The following PPP1CB variants were observed in gnomAD, a reference collection of about 807,000 sequenced individuals.
The protein encoded by PPP1CB is serine/threonine-protein phosphatase PP1-beta catalytic subunit.
Under a neutral mutation model 43.7 loss-of-function variants are expected in PPP1CB, and 2 were observed. The observed-to-expected ratio is 0.05, with a 90% CI of 0.02 to 0.14. The LOEUF is 0.14. Among genes scored for constraint, PPP1CB ranks in the 10% least tolerant of loss-of-function variants. The pLI is 1.00. For synonymous variants in PPP1CB, 136 were observed against 135.6 expected, an observed-to-expected ratio of 1.00 and a Z score of -0.02; for missense variants, 84 against 398.0, an observed-to-expected ratio of 0.21 and a Z score of 6.71.
intron 5 of PPP1CB, 78 bp from the exon 6 acceptor site, chr2:28,788,580 T>G: frequency 6.8e-7 from 1 of 1,466,218 alleles, no homozygotes; most frequent in Non-Finnish European, 9.4e-7. Flanking sequence ...AGAAAGGAAC[T>G]GAAATTTGAT....
rs1169523322 is a variant in PPP1CB, at chr2:28,801,655, G to T, written c.*2352G>T. ...AAAACTTTGTTTCTTAGGAGAAAAT[G>T]ATTCTGTAATTCCAGTGTCACTAAT... On this transcript the variant is annotated 3_prime_UTR_variant, in exon 8 of 8. Coordinates refer to ENST00000395366, the MANE Select transcript of PPP1CB (RefSeq NM_002709.3). 1 of 152,046 alleles carries T rather than the reference G, an allele frequency of 6.6e-6. No individual in the cohort carries two copies. The highest frequency in any genetic ancestry group is 1.5e-5 in the Non-Finnish European group (1 of 67,970). 9.4% of individuals were successfully genotyped at this position (152,046 alleles called of 1,614,324 possible). A position where few individuals can be genotyped will look rare whatever the true frequency, so the allele number is the denominator to read the frequency against.
At chr2:28,754,011 C>T (rs1013042822) in intron 1 of PPP1CB, among the ~76,000 whole-genome samples, 5 of 152,166 alleles carry the variant, frequency 3.3e-5, no homozygotes, top group Admixed American at 3.3e-4. Context: ...GCTGGGATTA[C>T]AGGCGTGAGC....
At chr2:28,764,948 A>G (rs1431098639) in intron 1 of PPP1CB, among the ~76,000 whole-genome samples, 3 of 152,096 alleles carry the variant, frequency 2.0e-5, no homozygotes, top group African/African-American at 4.8e-5. Context: ...GACACCGTGC[A>G]TAGGTGTTGG....
At chr2:28,763,397 A>G (rs1666702990) in intron 1 of PPP1CB, among the ~76,000 whole-genome samples, 1 of 152,114 alleles carries the variant, frequency 6.6e-6, no homozygotes, top group Non-Finnish European at 1.5e-5. Context: ...TGAGACACTT[A>G]ACAGTTTTAC....
At position 28,779,124 on chromosome 2, in the gene PPP1CB, G is replaced by T. The variant is rs551111216; in HGVS notation, c.415+85G>T. The T allele has an allele frequency of 8.1e-5, 86 of 1,058,840 alleles. No individual in the cohort carries two copies. In the African/African-American group the frequency reaches 1.3e-3, roughly 16 times the overall value. 65.6% of individuals were successfully genotyped at this position (1,058,840 alleles called of 1,614,324 possible). A position where few individuals can be genotyped will look rare whatever the true frequency, so the allele number is the denominator to read the frequency against. On this transcript the variant is annotated intron_variant, in intron 3 of 7. Coordinates refer to ENST00000395366, the MANE Select transcript of PPP1CB (RefSeq NM_002709.3). ...GGTTCAGAAGAGTTGCTTTGATTCA[G>T]AGTTTTTTCAAAATAAGATCTGTCA...
rs1249263998 is a variant in PPP1CB at position 28,770,421 on chromosome 2, A to C, written c.53-6430A>C. On this transcript the variant is annotated intron_variant, in intron 1 of 7. Transcript: ENST00000395366. ...GGGTGTGGGGGAGACGATATCATGC[A>C]CACATTAATCAAATGAAAGCTGACT... Among the ~76,000 whole-genome samples, 3 of 151,538 alleles carry C rather than the reference A, an allele frequency of 2.0e-5. No individual in the cohort carries two copies. In the South Asian group the frequency reaches 6.3e-4, roughly 32 times the overall value.
intron 6 of PPP1CB, among the ~76,000 whole-genome samples, chr2:28,791,537 C>A (rs1446470422): frequency 6.6e-6 from 1 of 152,062 alleles, no homozygotes; most frequent in African/African-American, 2.4e-5. Flanking sequence ...ACTATGTTGG[C>A]CTGGCTGGTC....
intron 1 of PPP1CB, among the ~76,000 whole-genome samples, chr2:28,767,140 G>T (rs1666797113): frequency 6.6e-6 from 1 of 151,914 alleles, no homozygotes; most frequent in South Asian, 2.1e-4. Context: ...TTTCCAATCA[G>T]ATACAATTTA....
intron 1 of PPP1CB, 25 bp from the exon 2 acceptor site, chr2:28,776,822 AACTG>A (rs1558304636): frequency 3.2e-6 from 5 of 1,575,232 alleles, no homozygotes; most frequent in South Asian, 2.3e-5. Flanking sequence ...AATTTTAGAA[AACTG>A]ACTGTTTTAT....
chr2:28,794,240 GT>G (rs1388994404), intron 7 of PPP1CB, among the ~76,000 whole-genome samples: 1 of 152,150 alleles, frequency 6.6e-6, no homozygotes, highest in Non-Finnish European at 1.5e-5. Context: ...TGATTCAGAT[GT>G]TTTAATTGTT....
intron 1 of PPP1CB, among the ~76,000 whole-genome samples, chr2:28,753,502 T>A (rs146779955): frequency 6.6e-6 from 1 of 152,240 alleles, no homozygotes; most frequent in African/African-American, 2.4e-5. Flanking sequence ...GGAACTCTTA[T>A]TTACCTTTTC....
chr2:28,775,518 T>C (rs941170172), intron 1 of PPP1CB, among the ~76,000 whole-genome samples: 1 of 152,166 alleles, frequency 6.6e-6, no homozygotes, highest in African/African-American at 2.4e-5. Context: ...AGCAATTCTC[T>C]ACTATGCTAG....
intron 5 of PPP1CB, among the ~76,000 whole-genome samples, chr2:28,787,964 G>A (rs572236570): frequency 6.6e-6 from 1 of 152,034 alleles, no homozygotes; most frequent in South Asian, 2.1e-4. Flanking sequence ...TCAAGGATCT[G>A]ATCTGATTTT....
At chr2:28,759,706 C>T (rs948737797) in intron 1 of PPP1CB, among the ~76,000 whole-genome samples, 1 of 151,494 alleles carries the variant, frequency 6.6e-6, no homozygotes, top group Non-Finnish European at 1.5e-5. Context: ...CAACCTCTGC[C>T]TCTCAGGTTC....
At chr2:28,761,180 G>A (rs1397795084) in intron 1 of PPP1CB, among the ~76,000 whole-genome samples, 3 of 152,192 alleles carry the variant, frequency 2.0e-5, no homozygotes, top group South Asian at 2.1e-4. Context: ...GTGAGCCACC[G>A]CGCCCGGCCG....
chr2:28,764,455 A>C (rs896210262), intron 1 of PPP1CB, among the ~76,000 whole-genome samples: 4 of 147,988 alleles, frequency 2.7e-5, no homozygotes, highest in Non-Finnish European at 4.4e-5. Flanking sequence ...GCGAGACTCC[A>C]TCTCAAAAAA....
At chr2:28,768,416 C>G (rs1418495532) in intron 1 of PPP1CB, among the ~76,000 whole-genome samples, 1 of 152,204 alleles carries the variant, frequency 6.6e-6, no homozygotes, top group Admixed American at 6.5e-5. Flanking sequence ...AAGTCATTGA[C>G]TGACTTCAGA....
intron 1 of PPP1CB, among the ~76,000 whole-genome samples, chr2:28,776,061 A>T (rs1025555900): frequency 6.6e-6 from 1 of 151,938 alleles, no homozygotes; most frequent in Non-Finnish European, 1.5e-5. Flanking sequence ...GACTGCTGGT[A>T]ACATTCCAAG....
intron 1 of PPP1CB, among the ~76,000 whole-genome samples, chr2:28,775,031 G>A (rs1188097926): frequency 6.6e-6 from 1 of 151,816 alleles, no homozygotes; most frequent in Non-Finnish European, 1.5e-5. Context: ...GCTTTTGCAT[G>A]TGGAGGCCTT....
Sources: allele counts gnomAD v4.1 joint callset (sites outside exome capture counted in the v4.1 genomes callset), GRCh38; gene constraint gnomAD v4.1.1; transcripts MANE v1.5; gene names NCBI Gene and HGNC (gene_info 2026-07-23, HGNC 2026-07-21).